LGR5: variants seen among roughly 807,000 people sequenced by gnomAD.
LGR5 encodes leucine-rich repeat-containing G protein-coupled receptor 5.
Under a neutral mutation model 76.7 loss-of-function variants are expected in LGR5, and 54 were observed. The ratio of observed to expected loss-of-function variants is 0.70; its 90% CI spans 0.57 to 0.88. LGR5 has a LOEUF of 0.88. Among genes scored for constraint, LGR5 ranks in the 40% least tolerant of loss-of-function variants. The probability of loss-of-function intolerance (pLI) is 0.00; values close to 1 mark genes in which losing one functional copy is unlikely to be tolerated. For missense variants in LGR5, 1,078 were observed against 1,073.3 expected (o/e 1.00, Z -0.06); for synonymous variants, 406 against 421.9 (o/e 0.96, Z 0.46).
At chr12:71,476,006 G>A (rs555767825) in intron 1 of LGR5, among the ~76,000 whole-genome samples, 22 of 152,194 alleles carry the variant, frequency 1.4e-4, no homozygotes, top group African/African-American at 2.2e-4. Context: ...GGATTGACAC[G>A]CAGGGTTCCT....
In LGR5 at chr12:71,564,777, G is replaced by GTA. The variant is rs1491131131; in HGVS notation, c.858-1627_858-1626insTA. On this transcript the variant is annotated intron_variant, in intron 8 of 17. Coordinates refer to ENST00000266674, the MANE Select transcript of LGR5 (RefSeq NM_003667.4). ...ACATATATACATATATGTACACACT[G>GTA]CATATATACATATATACATATATGT... Among the ~76,000 whole-genome samples, 22 of 122,278 alleles carry GTA rather than the reference G, an allele frequency of 1.8e-4. 1 individual carries two copies. Among genetic ancestry groups the GTA allele is most frequent in the Admixed American group, 7.2e-4 (8 of 11,156 alleles). The allele number at this position is 122,278 out of a possible 152,430, so 80.2% of individuals were successfully genotyped here.
chr12:71,449,120 A>G (rs1396656651), intron 1 of LGR5, among the ~76,000 whole-genome samples: 2 of 152,134 alleles, frequency 1.3e-5, no homozygotes, highest in Non-Finnish European at 2.9e-5. Flanking sequence ...GCCTTTCTCC[A>G]TCCCTCGCTT....
At chr12:71,450,984 T>C (rs900707156) in intron 1 of LGR5, among the ~76,000 whole-genome samples, 6 of 152,160 alleles carry the variant, frequency 3.9e-5, no homozygotes, top group African/African-American at 1.4e-4. Flanking sequence ...CTGCAACCCC[T>C]GCTGCCAATC....
intron 13 of LGR5, among the ~76,000 whole-genome samples, chr12:71,575,823 G>T (rs1878827456): frequency 6.6e-6 from 1 of 151,726 alleles, no homozygotes. Context: ...CAATAGCAAA[G>T]ACATGGAATC....
At chr12:71,540,043 T>G (rs1329072154) in intron 4 of LGR5, among the ~76,000 whole-genome samples, 1 of 152,210 alleles carries the variant, frequency 6.6e-6, no homozygotes, top group African/African-American at 2.4e-5. Flanking sequence ...CAAAAAACTT[T>G]TGGGAGTATA....
intron 4 of LGR5, among the ~76,000 whole-genome samples, chr12:71,543,310 A>G (rs1876978992): frequency 6.6e-6 from 1 of 152,168 alleles, no homozygotes; most frequent in Non-Finnish European, 1.5e-5. Context: ...TGGTTCCTGC[A>G]GAGATTTTAG....
In LGR5 at chr12:71,584,062, C is replaced by T. The variant is rs375514954; in HGVS notation, c.2052C>T (p.Ile684=). The change falls in exon 18 of 18, where the codon ATC becomes ATT. Residue 684 remains isoleucine, a synonymous_variant. Transcript: ENST00000266674. ...TKAPFSSLKV[I]ILLCALLALT... is the part of the protein sequence containing the mutation. ...CTCCATTTTCTAGCCTGAAAGTAAT[C>T]ATTTTGCTCTGTGCCCTGCTGGCCT... 3.7e-6 allele frequency: 6 copies of T among 1,614,092 alleles called. No homozygotes were observed. The African/African-American group carries it at 5.3e-5, about 14-fold the overall frequency.
At chr12:71,472,199 T>G (rs1178600680) in intron 1 of LGR5, among the ~76,000 whole-genome samples, 2 of 152,218 alleles carry the variant, frequency 1.3e-5, no homozygotes, top group African/African-American at 2.4e-5. Flanking sequence ...ACATTCTTAG[T>G]TAATAAGAAT....
At chr12:71,497,615 T>G (rs1874392570) in intron 1 of LGR5, among the ~76,000 whole-genome samples, 1 of 152,166 alleles carries the variant, frequency 6.6e-6, no homozygotes, top group Admixed American at 6.5e-5. Flanking sequence ...AAGTATATTA[T>G]CTCTAGAAGT....
chr12:71,566,354 T>C (rs774964340), intron 8 of LGR5, 50 bp from the exon 9 acceptor site: 2 of 1,185,576 alleles, frequency 1.7e-6, no homozygotes, highest in Admixed American at 1.8e-5. Flanking sequence ...CAGATATTCA[T>C]CTTTCAAATT....
chr12:71,543,363 T>C (rs1255914724), intron 4 of LGR5, among the ~76,000 whole-genome samples: 1 of 152,202 alleles, frequency 6.6e-6, no homozygotes, highest in African/African-American at 2.4e-5. Context: ...TTGTCTCAAC[T>C]GAGGACTCCC....
intron 3 of LGR5, among the ~76,000 whole-genome samples, chr12:71,533,280 G>A (rs1876417878): frequency 6.6e-6 from 1 of 152,196 alleles, no homozygotes; most frequent in Admixed American, 6.5e-5. Flanking sequence ...AGGAGGCAGA[G>A]GTTGCAGTGG....
At chr12:71,508,443 C>G (rs1038524486) in intron 2 of LGR5, among the ~76,000 whole-genome samples, 1 of 152,024 alleles carries the variant, frequency 6.6e-6, no homozygotes, top group African/African-American at 2.4e-5. Flanking sequence ...GAGATATACA[C>G]TGACTTAATG....
chr12:71,511,322 A>C (rs1352444034), intron 2 of LGR5, among the ~76,000 whole-genome samples: 2 of 152,170 alleles, frequency 1.3e-5, no homozygotes, highest in East Asian at 3.9e-4. Context: ...TCTTTATCTA[A>C]ACTTGTTCTT....
intron 1 of LGR5, among the ~76,000 whole-genome samples, chr12:71,485,534 TA>T (rs1351407038): frequency 6.6e-6 from 1 of 151,924 alleles, no homozygotes; most frequent in Non-Finnish European, 1.5e-5. Flanking sequence ...CTGGGCAACA[TA>T]TTGAGACGCC....
chr12:71,537,919 T>C (rs937105791), intron 4 of LGR5, among the ~76,000 whole-genome samples: 1 of 152,270 alleles, frequency 6.6e-6, no homozygotes, highest in African/African-American at 2.4e-5. Flanking sequence ...ACTTAGCCTT[T>C]TTTTCTACAT....
rs1324205201 is a variant in LGR5 at position 71,559,571 on chromosome 12, T to C, written c.717-15T>C. On this transcript the variant is annotated splice_polypyrimidine_tract_variant and intron_variant, in intron 6 of 17. Transcript: ENST00000266674. ...TTTAAATAAAAAACTGAAAATACTA[T>C]GTACTCATTTTCAGAGATTTAAATT... The C allele has an allele frequency of 7.2e-6, 10 of 1,396,798 alleles. No homozygotes were observed. Among genetic ancestry groups the C allele is most frequent in the Non-Finnish European group, 1.0e-5 (10 of 983,290 alleles). 86.5% of individuals were successfully genotyped at this position (1,396,798 alleles called of 1,614,324 possible). A position where few individuals can be genotyped will look rare whatever the true frequency, so the allele number is the denominator to read the frequency against.
Position 71,566,703 on chromosome 12 carries a change from A to T in LGR5, c.998+3A>T. 6.2e-7 allele frequency: 1 copy of T among 1,610,278 alleles called. No homozygotes were observed. The highest frequency in any genetic ancestry group is 8.5e-7 in the Non-Finnish European group (1 of 1,176,568). On this transcript the variant is annotated splice_donor_region_variant and intron_variant, in intron 10 of 17. Coordinates refer to ENST00000266674, the MANE Select transcript of LGR5 (RefSeq NM_003667.4). ...GGAACTGCAAACCTGGAGAGTCTGT[A>T]AGTACTGAGTAGACTCTTGACTTTG...
intron 1 of LGR5, among the ~76,000 whole-genome samples, chr12:71,498,856 T>C (rs1321945948): frequency 6.6e-6 from 1 of 152,206 alleles, no homozygotes; most frequent in Non-Finnish European, 1.5e-5. Flanking sequence ...GTTATTTCCA[T>C]GCAGTAAGAG....
Sources: gnomAD v4.1 joint callset for allele counts (sites outside exome capture counted in the v4.1 genomes callset) on GRCh38, gnomAD v4.1.1 for gene constraint, MANE v1.5 for transcripts, NCBI Gene and HGNC (gene_info 2026-07-23, HGNC 2026-07-21) for gene names.